WAC: variants seen among roughly 807,000 people sequenced by gnomAD.
The protein encoded by WAC is WW domain containing adaptor with coiled-coil.
A neutral mutation model predicts 79.6 loss-of-function variants in WAC; 11 were observed. That is an observed-to-expected ratio of 0.14 (90% CI 0.09 to 0.23). WAC has a LOEUF of 0.23. WAC is among the 10% of genes least tolerant of loss of function. The pLI, the probability that WAC is intolerant of heterozygous loss-of-function variation, is 1.00. For synonymous variants in WAC, 304 were observed against 276.9 expected (o/e 1.10, Z -0.97); for missense variants, 728 against 773.5 (o/e 0.94, Z 0.70).
chr10:28,599,962 A>G (rs1589224989), intron 7 of WAC, among the ~76,000 whole-genome samples: 7 of 152,306 alleles, frequency 4.6e-5, no homozygotes, highest in South Asian at 4.1e-4. Flanking sequence ...TGGCACCCAA[A>G]TGGCCATTTT....
At chr10:28,565,946 G>T (rs1334450289) in intron 3 of WAC, among the ~76,000 whole-genome samples, 1 of 152,150 alleles carries the variant, frequency 6.6e-6, no homozygotes, top group Non-Finnish European at 1.5e-5. Context: ...ATATTAGAGT[G>T]TGCAGAAAGC....
intron 3 of WAC, among the ~76,000 whole-genome samples, chr10:28,562,257 A>G (rs181297907): frequency 2.5e-4 from 38 of 152,222 alleles, no homozygotes; most frequent in African/African-American, 8.4e-4. Flanking sequence ...GGGTTTCACC[A>G]TGTTAGCCAG....
chr10:28,600,229 CT>C (rs1840573614), intron 7 of WAC, among the ~76,000 whole-genome samples: 1 of 64,938 alleles, frequency 1.5e-5, no homozygotes, highest in African/African-American at 8.2e-5. Flanking sequence ...TAATCACATA[CT>C]CACATGCTGG....
intron 3 of WAC, among the ~76,000 whole-genome samples, chr10:28,543,310 C>T (rs978962826): frequency 2.8e-5 from 4 of 144,788 alleles, no homozygotes; most frequent in Admixed American, 6.9e-5. Flanking sequence ...AAAAATGATT[C>T]AATTTTAGTA....
intron 7 of WAC, among the ~76,000 whole-genome samples, chr10:28,597,606 T>A (rs2132720065): frequency 2.0e-5 from 3 of 152,284 alleles, no homozygotes; most frequent in Middle Eastern, 6.8e-3. Flanking sequence ...TCCTTGGTAG[T>A]CATTTTGTTA....
intron 3 of WAC, among the ~76,000 whole-genome samples, chr10:28,561,113 A>G (rs1838279214): frequency 6.6e-6 from 1 of 152,244 alleles, no homozygotes; most frequent in African/African-American, 2.4e-5. Flanking sequence ...TAATAACTGA[A>G]AATCTGCAAC....
At chr10:28,553,416 T>C (rs1254341648) in intron 3 of WAC, among the ~76,000 whole-genome samples, 1 of 152,228 alleles carries the variant, frequency 6.6e-6, no homozygotes, top group Non-Finnish European at 1.5e-5. Context: ...TACTAAGCAT[T>C]TTAAACTTAA....
At chr10:28,579,414 C>CA (rs945388031) in intron 3 of WAC, among the ~76,000 whole-genome samples, 18 of 152,130 alleles carry the variant, frequency 1.2e-4, no homozygotes, top group African/African-American at 4.1e-4. Flanking sequence ...CTTGAATACT[C>CA]ACTAGATTTG....
intron 3 of WAC, among the ~76,000 whole-genome samples, chr10:28,561,831 C>T (rs150786117): frequency 7.2e-5 from 11 of 152,154 alleles, no homozygotes; most frequent in African/African-American, 2.4e-4. Flanking sequence ...ACTGTGCATG[C>T]GAGGAATCTA....
At chr10:28,541,423 T>TTG (rs1837034366) in intron 3 of WAC, among the ~76,000 whole-genome samples, 2 of 136,148 alleles carry the variant, frequency 1.5e-5, no homozygotes, top group South Asian at 2.4e-4. Context: ...GTGTTTTGTT[T>TTG]TTTTTTTTTT....
chr10:28,595,022 C>T (rs976290575), intron 6 of WAC, among the ~76,000 whole-genome samples: 9 of 152,150 alleles, frequency 5.9e-5, no homozygotes, highest in African/African-American at 1.7e-4. Context: ...TTTTAATACA[C>T]CTAGTGATAA....
At chr10:28,619,110 C>G (rs778594421) in intron 13 of WAC, among the ~76,000 whole-genome samples, 23 of 152,256 alleles carry the variant, frequency 1.5e-4, no homozygotes, top group South Asian at 1.0e-3. Flanking sequence ...AAAACCCTGT[C>G]TCTACTAAAA....
chr10:28,534,342 G>A, intron 2 of WAC: 1 of 350,482 alleles, frequency 2.9e-6, no homozygotes, highest in Non-Finnish European at 5.1e-6. Flanking sequence ...GGGATGAGAT[G>A]ATAGGTGACT....
chr10:28,534,119 T>G (rs1836474217), intron 2 of WAC, 85 bp downstream of exon 2: 1 of 1,341,254 alleles, frequency 7.5e-7, no homozygotes, highest in Non-Finnish European at 1.0e-6. Context: ...GCCTCAGAAG[T>G]CGATACAGGC....
At chr10:28,588,818 A>G (rs372088413) in intron 4 of WAC, 31 of 152,298 alleles carry the variant, frequency 2.0e-4, no homozygotes, top group African/African-American at 7.2e-4. Flanking sequence ...ATAATGTTCA[A>G]AAGAGTAATT....
intron 4 of WAC, among the ~76,000 whole-genome samples, chr10:28,586,336 T>G (rs1424627058): frequency 2.0e-5 from 3 of 152,126 alleles, no homozygotes; most frequent in Non-Finnish European, 2.9e-5. Context: ...GAGCCTGGCT[T>G]ATGGTAAAGA....
At position 28,616,256 on chromosome 10, in the gene WAC, C is replaced by G; in HGVS notation, c.1640C>G (p.Ser547Cys). 6.2e-7 allele frequency: 1 copy of G among 1,614,064 alleles called. No individual in the cohort carries two copies. Among genetic ancestry groups the G allele is most frequent in the Non-Finnish European group, 8.5e-7 (1 of 1,179,960 alleles). The change falls in exon 12 of 14, where the codon TCT becomes TGT. Residue 547 changes from serine to cysteine, a missense_variant. By Grantham distance (112) the Ser-to-Cys change is moderately radical (BLOSUM62 -1). Transcript: ENST00000354911. ...ASNATVVPQN[S>C]SARSTCSLTP... ...AATGCAACAGTTGTACCACAGAATTCTTCTGCCCGATCCACGTGTTCATTA... is the reference window on the plus strand; with the variant it reads ...AATGCAACAGTTGTACCACAGAATTGTTCTGCCCGATCCACGTGTTCATTA...
chr10:28,575,422 T>A (rs754209715), intron 3 of WAC, among the ~76,000 whole-genome samples: 2 of 152,362 alleles, frequency 1.3e-5, no homozygotes, highest in Admixed American at 1.3e-4. Flanking sequence ...CCAAAGCAGA[T>A]GCAGTATTTT....
intron 9 of WAC, chr10:28,611,386 C>T: frequency 7.7e-6 from 10 of 1,300,012 alleles, no homozygotes; most frequent in Non-Finnish European, 1.0e-5. Flanking sequence ...TATAATGGTG[C>T]AAAGACTCTT....
Sources: gnomAD v4.1 joint callset for allele counts (sites outside exome capture counted in the v4.1 genomes callset) on GRCh38, gnomAD v4.1.1 for gene constraint, MANE v1.5 for transcripts, NCBI Gene and HGNC (gene_info 2026-07-23, HGNC 2026-07-21) for gene names.